TANGO6: variants seen among roughly 807,000 people sequenced by gnomAD.
TANGO6 encodes transport and Golgi organization protein 6 homolog.
In TANGO6, 90 loss-of-function variants were observed where a neutral mutation model predicts 114.2. The observed-to-expected ratio is 0.79, with a 90% CI of 0.66 to 0.94. The LOEUF is 0.94. Among genes scored for constraint, TANGO6 ranks in the 40% least tolerant of loss-of-function variants. The pLI is 0.00. For synonymous variants in TANGO6, 477 were observed against 509.8 expected, an observed-to-expected ratio of 0.94 and a Z score of 0.87; for missense variants, 1,274 against 1,315.3, an observed-to-expected ratio of 0.97 and a Z score of 0.49.
Position 69,063,613 on chromosome 16 carries a change from G to C in TANGO6, c.3109-19872G>C, listed in dbSNP as rs1960162228. On this transcript the variant is annotated intron_variant, in intron 17 of 17. Coordinates refer to ENST00000261778, the MANE Select transcript of TANGO6 (RefSeq NM_024562.2). The stretch of plus-strand genomic sequence containing the variant: ...AGGCTGGAGAATCGCTTGAACCTGG[G>C]AGGCAAAGGCTGCGGTGAGACTCCA... 2.3e-5 allele frequency among the ~76,000 whole-genome samples: 3 copies of C among 129,236 alleles called. 1 individual carries two copies. The South Asian group carries it at 7.7e-4, about 33-fold the overall frequency. 84.8% of individuals were successfully genotyped at this position (129,236 alleles called of 152,430 possible). A position where few individuals can be genotyped will look rare whatever the true frequency, so the allele number is the denominator to read the frequency against.
intron 15 of TANGO6, among the ~76,000 whole-genome samples, chr16:68,997,002 C>T (rs542244696): frequency 3.3e-5 from 5 of 152,230 alleles, no homozygotes; most frequent in Non-Finnish European, 2.9e-5. Flanking sequence ...TTGGATTGGG[C>T]GAAACAAAAA....
At chr16:68,980,621 G>C (rs1963825390) in intron 15 of TANGO6, among the ~76,000 whole-genome samples, 1 of 151,124 alleles carries the variant, frequency 6.6e-6, no homozygotes, top group Non-Finnish European at 1.5e-5. Flanking sequence ...CCAGGGGTTT[G>C]AGGTTGTTAT....
intron 17 of TANGO6, among the ~76,000 whole-genome samples, chr16:69,065,745 C>A (rs1025267085): frequency 6.6e-6 from 1 of 152,184 alleles, no homozygotes; most frequent in Non-Finnish European, 1.5e-5. Flanking sequence ...AGTAATCCTG[C>A]CTTTCTTTAC....
intron 1 of TANGO6, among the ~76,000 whole-genome samples, chr16:68,848,464 A>G (rs755385409): frequency 1.3e-5 from 2 of 152,122 alleles, no homozygotes; most frequent in African/African-American, 2.4e-5. Context: ...CTCATATGCC[A>G]CATACTGTTT....
intron 14 of TANGO6, among the ~76,000 whole-genome samples, chr16:68,973,536 C>T (rs1963730762): frequency 6.6e-6 from 1 of 152,154 alleles, no homozygotes; most frequent in Non-Finnish European, 1.5e-5. Flanking sequence ...TTAGAAGGCG[C>T]TGCTGTGGAT....
rs147041069 is a variant in TANGO6, at chr16:69,030,818, G to T, written c.2994+7839G>T. ...TGTAATCCCAGCACTTTAGGAGGCG[G>T]AGGTGGGCAGATCACGAGGTCAAGA... is the stretch of plus-strand genomic sequence containing the variant. On this transcript the variant is annotated intron_variant, in intron 16 of 17. Transcript: ENST00000261778. Among the ~76,000 whole-genome samples the T allele has an allele frequency of 7.9e-3, 1,199 of 152,052 alleles. 23 individuals are homozygous for T. The highest frequency in any genetic ancestry group is 0.027 in the African/African-American group (1,133 of 41,520).
chr16:68,959,565 T>TTACAGAGCAAGACTCCATC (rs1963569589), intron 14 of TANGO6, among the ~76,000 whole-genome samples: 6 of 151,946 alleles, frequency 3.9e-5, no homozygotes, highest in Admixed American at 2.0e-4. Flanking sequence ...CCAGCCTGGA[T>TTACAGAGCAAGACTCCATC]TACAGAGCAA....
Position 68,926,980 on chromosome 16 carries a change from G to A in TANGO6, c.2128-588G>A, listed in dbSNP as rs1373167105. Reference sequence around the variant, plus strand: ...CTCATGCACCTTTCTTAGTAGTAAGGCATATGACATTATTCAGACAAAGCT... The same window carrying A: ...CTCATGCACCTTTCTTAGTAGTAAGACATATGACATTATTCAGACAAAGCT... On this transcript the variant is annotated intron_variant, in intron 12 of 17. Coordinates refer to ENST00000261778, the MANE Select transcript of TANGO6 (RefSeq NM_024562.2). 4 of 154,424 alleles carry A rather than the reference G, an allele frequency of 2.6e-5. No homozygotes were observed. In the East Asian group the frequency reaches 7.7e-4, roughly 30 times the overall value. 9.6% of individuals were successfully genotyped at this position (154,424 alleles called of 1,614,324 possible). A position where few individuals can be genotyped will look rare whatever the true frequency, so the allele number is the denominator to read the frequency against.
At chr16:69,073,574 T>C (rs568620770) in intron 17 of TANGO6, among the ~76,000 whole-genome samples, 1 of 152,258 alleles carries the variant, frequency 6.6e-6, no homozygotes, top group East Asian at 1.9e-4. Context: ...GCAATAGCGG[T>C]GGAGAGTCAT....
At chr16:68,869,814 G>A (rs1237862754) in intron 4 of TANGO6, among the ~76,000 whole-genome samples, 30 of 152,160 alleles carry the variant, frequency 2.0e-4, no homozygotes, top group Admixed American at 1.9e-3. Flanking sequence ...GATAGTTATA[G>A]GCAGAGAGAG....
chr16:68,865,773 C>A (rs1267686554), intron 3 of TANGO6, among the ~76,000 whole-genome samples: 1 of 136,534 alleles, frequency 7.3e-6, no homozygotes, highest in African/African-American at 2.8e-5. Context: ...AAAAAAATAG[C>A]CTGGCATGGT....
intron 1 of TANGO6, among the ~76,000 whole-genome samples, chr16:68,856,238 G>T (rs1403218861): frequency 6.6e-6 from 1 of 152,208 alleles, no homozygotes; most frequent in Non-Finnish European, 1.5e-5. Flanking sequence ...CTGTAGGTTT[G>T]TCCGTGGATA....
chr16:69,004,246 A>T (rs896102412), intron 15 of TANGO6, among the ~76,000 whole-genome samples: 2 of 152,234 alleles, frequency 1.3e-5, no homozygotes, highest in Admixed American at 1.3e-4. Context: ...CTAGACATGT[A>T]TGCACACACA....
chr16:68,847,629 C>G (rs62055794), intron 1 of TANGO6, among the ~76,000 whole-genome samples: 88 of 152,274 alleles, frequency 5.8e-4, no homozygotes, highest in Admixed American at 9.8e-4. Flanking sequence ...CACTCATTTC[C>G]GTTTGAGGTA....
At chr16:68,917,390 A>G (rs1158816331) in intron 11 of TANGO6, among the ~76,000 whole-genome samples, 3 of 152,190 alleles carry the variant, frequency 2.0e-5, no homozygotes, top group Admixed American at 6.5e-5. Context: ...TTGTGTGGAC[A>G]TAAGTTTTCA....
At chr16:68,916,464 G>A (rs1447120787) in intron 11 of TANGO6, among the ~76,000 whole-genome samples, 5 of 81,134 alleles carry the variant, frequency 6.2e-5, no homozygotes, top group Non-Finnish European at 9.6e-5. Flanking sequence ...TCCCCCTCCC[G>A]CCCCTGCCAA....
At chr16:69,003,984 CT>C (rs34679190) in intron 15 of TANGO6, among the ~76,000 whole-genome samples, 3 of 151,672 alleles carry the variant, frequency 2.0e-5, no homozygotes, top group African/African-American at 7.3e-5. Context: ...TTAAACCCCA[CT>C]TTAAATAACA....
intron 17 of TANGO6, among the ~76,000 whole-genome samples, chr16:69,041,837 T>G (rs971852124): frequency 2.0e-5 from 3 of 152,224 alleles, no homozygotes; most frequent in African/African-American, 7.2e-5. Flanking sequence ...ACAAGAAATA[T>G]GTAAGTAGGT....
rs140043527 is a variant in TANGO6, at chr16:68,934,784, G to A, written c.2701+4489G>A. ...TTTAAGACTGGATTTTTGGGAATGG[G>A]TGGCATGTCATTCTAATGTGACCAC... On this transcript the variant is annotated intron_variant, in intron 14 of 17. Transcript: ENST00000261778. 3.9e-3 allele frequency among the ~76,000 whole-genome samples: 598 copies of A among 152,238 alleles called. 3 individuals are homozygous for A. Among genetic ancestry groups the A allele is most frequent in the Non-Finnish European group, 6.0e-3 (411 of 68,016 alleles).
Sources: allele counts gnomAD v4.1 joint callset (sites outside exome capture counted in the v4.1 genomes callset), GRCh38; gene constraint gnomAD v4.1.1; transcripts MANE v1.5; gene names NCBI Gene and HGNC (gene_info 2026-07-23, HGNC 2026-07-21).